Variants in BICC1 observed in about 807,000 individuals in gnomAD.
BICC1 encodes the protein protein bicaudal C homolog 1.
A neutral mutation model predicts 111.0 loss-of-function variants in BICC1; 43 were observed. That is an observed-to-expected ratio of 0.39 (90% CI 0.30 to 0.50). BICC1 has a LOEUF of 0.50. Ranked by LOEUF, BICC1 falls within the 20% of genes least tolerant of loss-of-function variation. BICC1 has a pLI of 0.88. For missense variants in BICC1, 1,091 were observed against 1,203.2 expected, an observed-to-expected ratio of 0.91 and a Z score of 1.38; for synonymous variants, 467 against 434.4, an observed-to-expected ratio of 1.07 and a Z score of -0.93.
At position 58,661,593 on chromosome 10, in the gene BICC1, A is replaced by G. The variant is rs185253295; in HGVS notation, c.238-40481A>G. 1.3e-3 allele frequency among the ~76,000 whole-genome samples: 192 copies of G among 152,244 alleles called. 1 individual carries two copies. The highest frequency in any genetic ancestry group is 2.3e-3 in the Non-Finnish European group (155 of 68,008). The stretch of plus-strand genomic sequence containing the variant: ...CTATTATTGACAATGTTTAGGTTTA[A>G]ACAATTAGAATTAAGGTATAGAGTT... On this transcript the variant is annotated intron_variant, in intron 2 of 20. Transcript: ENST00000373886.
intron 2 of BICC1, among the ~76,000 whole-genome samples, chr10:58,658,198 T>C (rs968604664): frequency 6.6e-6 from 1 of 151,988 alleles, no homozygotes; most frequent in Admixed American, 6.6e-5. Context: ...AGCTCTCTGC[T>C]TTTTTTTGAG....
At position 58,829,907 on chromosome 10, in the gene BICC1, G is replaced by A. The variant is rs1794147161; in HGVS notation, c.*1016G>A. On this transcript the variant is annotated 3_prime_UTR_variant, in exon 21 of 21. Coordinates refer to ENST00000373886, the MANE Select transcript of BICC1 (RefSeq NM_001080512.3). ...GAGAATGGACGACATTCAATAACTG[G>A]AGCCCGAGATTGTCACTTTATTTAA... 2 of 152,090 alleles carry A rather than the reference G, an allele frequency of 1.3e-5. No homozygotes were observed. Among genetic ancestry groups the A allele is most frequent in the African/African-American group, 4.8e-5 (2 of 41,402 alleles). The allele number at this position is 152,090 out of a possible 1,614,324, so 9.4% of individuals were successfully genotyped here. A position where few individuals can be genotyped will look rare whatever the true frequency, so the allele number is the denominator to read the frequency against.
At chr10:58,809,997 T>C (rs1468541482) in intron 17 of BICC1, among the ~76,000 whole-genome samples, 2 of 152,188 alleles carry the variant, frequency 1.3e-5, no homozygotes, top group Non-Finnish European at 2.9e-5. Flanking sequence ...TCCAGACTCT[T>C]CTCCTAGGAT....
chr10:58,822,951 G>A (rs1844295658), intron 20 of BICC1, among the ~76,000 whole-genome samples: 1 of 152,024 alleles, frequency 6.6e-6, no homozygotes, highest in South Asian at 2.1e-4. Flanking sequence ...TCAGTATAAG[G>A]TTTTGTTTTA....
chr10:58,713,129 G>A (rs1452108379), intron 3 of BICC1, among the ~76,000 whole-genome samples: 1 of 152,136 alleles, frequency 6.6e-6, no homozygotes, highest in Non-Finnish European at 1.5e-5. Context: ...AGGAAAGTGA[G>A]GAAAATGCCT....
chr10:58,616,548 A>G (rs1016763265), intron 1 of BICC1, among the ~76,000 whole-genome samples: 5 of 152,104 alleles, frequency 3.3e-5, no homozygotes, highest in Non-Finnish European at 7.4e-5. Context: ...ACTTAGGGGA[A>G]CACCAGATGA....
chr10:58,690,749 T>C, intron 2 of BICC1, among the ~76,000 whole-genome samples: 1 of 152,176 alleles, frequency 6.6e-6, no homozygotes, highest in East Asian at 1.9e-4. Flanking sequence ...TCAGCATAGA[T>C]GCCATCAGGA....
At chr10:58,756,677 G>C (rs913890457) in intron 3 of BICC1, among the ~76,000 whole-genome samples, 1 of 142,638 alleles carries the variant, frequency 7.0e-6, no homozygotes, top group Non-Finnish European at 1.5e-5. Context: ...CTTCTCCTTA[G>C]CAACTGTAAT....
intron 2 of BICC1, among the ~76,000 whole-genome samples, chr10:58,655,370 T>C (rs1032443204): frequency 1.6e-5 from 2 of 126,530 alleles, no homozygotes; most frequent in African/African-American, 6.0e-5. Flanking sequence ...GAGCAGTGGT[T>C]TGTAGTTCTC....
intron 2 of BICC1, among the ~76,000 whole-genome samples, chr10:58,659,942 TGCTG>T (rs921169540): frequency 6.6e-6 from 1 of 152,224 alleles, no homozygotes; most frequent in African/African-American, 2.4e-5. Context: ...TATTATATTG[TGCTG>T]GCATGGAGGT....
At chr10:58,719,546 G>A (rs558534131) in intron 3 of BICC1, among the ~76,000 whole-genome samples, 6 of 151,310 alleles carry the variant, frequency 4.0e-5, no homozygotes, top group African/African-American at 1.2e-4. Context: ...TCGCTCTGTC[G>A]CCCAGGCTGG....
At chr10:58,558,289 T>C (rs941140746) in intron 1 of BICC1, among the ~76,000 whole-genome samples, 1 of 152,082 alleles carries the variant, frequency 6.6e-6, no homozygotes, top group African/African-American at 2.4e-5. Flanking sequence ...CAGAATTCTT[T>C]GTCCTTGCAG....
intron 20 of BICC1, among the ~76,000 whole-genome samples, chr10:58,827,997 A>T (rs1173588068): frequency 3.9e-5 from 6 of 152,144 alleles, no homozygotes; most frequent in Non-Finnish European, 8.8e-5. Flanking sequence ...CTTCCTAATG[A>T]TTATCTTAGT....
In BICC1 at chr10:58,830,016, C is replaced by G. The variant is rs920252710; in HGVS notation, c.*1125C>G. 5.3e-5 allele frequency: 8 copies of G among 152,016 alleles called. No individual in the cohort carries two copies. Among genetic ancestry groups the G allele is most frequent in the African/African-American group, 1.2e-4 (5 of 41,414 alleles). 9.4% of individuals were successfully genotyped at this position (152,016 alleles called of 1,614,324 possible). On this transcript the variant is annotated 3_prime_UTR_variant, in exon 21 of 21. Transcript: ENST00000373886. ...ACAATCCTTATCATGTACACGTTAG[C>G]TATGTTCCGTATGGCCACAGGACTT...
intron 3 of BICC1, among the ~76,000 whole-genome samples, chr10:58,707,197 G>C (rs1282296603): frequency 1.3e-5 from 2 of 152,202 alleles, no homozygotes; most frequent in African/African-American, 2.4e-5. Context: ...ATCAGAACAA[G>C]TAGGTATCTA....
At chr10:58,594,093 A>C (rs1400169081) in intron 1 of BICC1, among the ~76,000 whole-genome samples, 1 of 151,856 alleles carries the variant, frequency 6.6e-6, no homozygotes, top group Admixed American at 6.6e-5. Context: ...AAGTATCAGT[A>C]GCCGAATCCA....
intron 14 of BICC1, among the ~76,000 whole-genome samples, 197 bp from the exon 15 acceptor site, chr10:58,802,880 G>A (rs1288583239): frequency 6.6e-6 from 1 of 152,128 alleles, no homozygotes; most frequent in Non-Finnish European, 1.5e-5. Flanking sequence ...GTATGACCTT[G>A]GACAATATAC....
rs183159898 is a variant in BICC1 at position 58,763,257 on chromosome 10, A to G, written c.308-21744A>G. On this transcript the variant is annotated intron_variant, in intron 3 of 20. Transcript: ENST00000373886. Reference sequence around the variant, plus strand: ...AATATTGGAGATATTGGGAAAAATTATTAATATATATTTTTTCTTTTAAAT... The same window carrying G: ...AATATTGGAGATATTGGGAAAAATTGTTAATATATATTTTTTCTTTTAAAT... Among the ~76,000 whole-genome samples, 864 of 152,294 alleles carry G rather than the reference A, an allele frequency of 5.7e-3. 1 individual carries two copies. The highest frequency in any genetic ancestry group is 9.7e-3 in the Non-Finnish European group (657 of 68,022).
At chr10:58,779,341 T>A (rs1246005158) in intron 3 of BICC1, among the ~76,000 whole-genome samples, 3 of 152,326 alleles carry the variant, frequency 2.0e-5, no homozygotes, top group African/African-American at 7.2e-5. Flanking sequence ...ATTCAGGAAA[T>A]GCCACTGGGG....
Sources: allele counts gnomAD v4.1 joint callset (sites outside exome capture counted in the v4.1 genomes callset), GRCh38; gene constraint gnomAD v4.1.1; transcripts MANE v1.5; gene names NCBI Gene and HGNC (gene_info 2026-07-23, HGNC 2026-07-21).